Variants in GARIN2 observed in about 807,000 individuals in gnomAD.
GARIN2 encodes the protein golgi associated RAB2 interactor family member 2, also known as Golgi-associated RAB2 interactor protein 2.
chr14:67,198,463 A>T, the GARIN2 span: 1 of 739,132 alleles, frequency 1.4e-6, no homozygotes, highest in Admixed American at 3.0e-5. Context: ...TGGGAACTTT[A>T]AAAAACCTGA....
At chr14:67,215,882 AAAGTT>A in the GARIN2 span, among the ~76,000 whole-genome samples, 1 of 152,196 alleles carries the variant, frequency 6.6e-6, no homozygotes. Context: ...AAAATCTCAC[AAAGTT>A]AACTGAATCA....
the GARIN2 span, among the ~76,000 whole-genome samples, chr14:67,213,463 T>C: frequency 2.0e-5 from 3 of 150,452 alleles, no homozygotes; most frequent in East Asian, 2.0e-4. Context: ...TGATTTCCAA[T>C]TTCATCCATG....
At chr14:67,225,978 C>T in the GARIN2 span, among the ~76,000 whole-genome samples, 10 of 135,696 alleles carry the variant, frequency 7.4e-5, no homozygotes, top group Non-Finnish European at 1.3e-4. Context: ...CGCGCGCGTG[C>T]GCATGCGCGT....
At chr14:67,213,649 G>A in the GARIN2 span, among the ~76,000 whole-genome samples, 1 of 152,122 alleles carries the variant, frequency 6.6e-6, no homozygotes, top group Non-Finnish European at 1.5e-5. Flanking sequence ...CTTTATAGCA[G>A]CATGATTTAT....
chr14:67,192,856 A>G, the GARIN2 span, among the ~76,000 whole-genome samples: 1 of 145,840 alleles, frequency 6.9e-6, no homozygotes, highest in Non-Finnish European at 1.5e-5. Flanking sequence ...ATATAGATAT[A>G]CAGATATATA....
At chr14:67,224,027 T>G in the GARIN2 span, 1 of 962,626 alleles carries the variant, frequency 1.0e-6, no homozygotes, top group Non-Finnish European at 1.2e-6. Context: ...CTGGCATTAT[T>G]AAGCTCATCT....
At chr14:67,204,442 A>AAAAC in the GARIN2 span, 1 of 1,399,344 alleles carries the variant, frequency 7.1e-7, no homozygotes, top group East Asian at 2.6e-5. Flanking sequence ...AACTTGTCTC[A>AAAAC]AAACAAACAA....
the GARIN2 span, among the ~76,000 whole-genome samples, chr14:67,210,106 C>T: frequency 6.6e-6 from 1 of 152,170 alleles, no homozygotes; most frequent in Non-Finnish European, 1.5e-5. Context: ...TATTCCTTTA[C>T]TTATGGTAAC....
chr14:67,192,031 G>A, the GARIN2 span, among the ~76,000 whole-genome samples: 2 of 152,182 alleles, frequency 1.3e-5, no homozygotes, highest in Non-Finnish European at 2.9e-5. Context: ...GAGACCGCAA[G>A]GGATCAGCTA....
At chr14:67,212,582 C>A in the GARIN2 span, among the ~76,000 whole-genome samples, 4 of 110,584 alleles carry the variant, frequency 3.6e-5, no homozygotes, top group East Asian at 2.1e-4. Context: ...CAGAGCAAGA[C>A]CCTGTTGAAA....
chr14:67,192,830 CTA>C, the GARIN2 span, among the ~76,000 whole-genome samples: 2,951 of 139,540 alleles, frequency 0.021, 38 homozygotes, highest in Non-Finnish European at 0.029. Flanking sequence ...ATGTACAGAT[CTA>C]TATATATATC....
chr14:67,191,891 T>A, the GARIN2 span, among the ~76,000 whole-genome samples: 1 of 152,220 alleles, frequency 6.6e-6, no homozygotes, highest in East Asian at 1.9e-4. Context: ...AAATGAAAAC[T>A]ATACTGTAAT....
the GARIN2 span, among the ~76,000 whole-genome samples, chr14:67,225,926 A>AGTGAGTGTGTGTGTGTGT: frequency 7.3e-6 from 1 of 136,630 alleles, no homozygotes; most frequent in Non-Finnish European, 1.6e-5. Context: ...TAATGCTGTG[A>AGTGAGTGTGTGTGTGTGT]GTGTGTGTGT....
chr14:67,197,387 C>A, the GARIN2 span: 1 of 152,148 alleles, frequency 6.6e-6, no homozygotes, highest in East Asian at 1.9e-4. Context: ...ACAGATAAAC[C>A]ATGTGGGCTG....
chr14:67,192,304 G>A, the GARIN2 span, among the ~76,000 whole-genome samples: 3 of 152,192 alleles, frequency 2.0e-5, no homozygotes, highest in African/African-American at 7.2e-5. Context: ...CTAGCTCTGT[G>A]TTTCCATGAT....
At chr14:67,212,625 T>TA in the GARIN2 span, among the ~76,000 whole-genome samples, 3 of 145,126 alleles carry the variant, frequency 2.1e-5, no homozygotes, top group South Asian at 4.2e-4. Flanking sequence ...GTAATATATA[T>TA]TATATATAAT....
chr14:67,206,658 A>G, the GARIN2 span, among the ~76,000 whole-genome samples: 1 of 152,326 alleles, frequency 6.6e-6, no homozygotes, highest in East Asian at 1.9e-4. Context: ...TAAAATAAAT[A>G]GAAAGATCAG....
the GARIN2 span, among the ~76,000 whole-genome samples, chr14:67,216,079 T>A: frequency 2.6e-5 from 4 of 152,302 alleles, 1 homozygote; most frequent in African/African-American, 9.6e-5. Flanking sequence ...CACCGTGTCC[T>A]CCTACCAATC....
the GARIN2 span, among the ~76,000 whole-genome samples, chr14:67,211,627 C>G: frequency 2.0e-5 from 3 of 152,054 alleles, no homozygotes; most frequent in Non-Finnish European, 4.4e-5. Context: ...GGTAATATAG[C>G]AATCAATTTA....
Sources: gnomAD v4.1 joint callset for allele counts (sites outside exome capture counted in the v4.1 genomes callset) on GRCh38, gnomAD v4.1.1 for gene constraint, MANE v1.5 for transcripts, NCBI Gene and HGNC (gene_info 2026-07-23, HGNC 2026-07-21) for gene names.